CTNNA3: variants seen among roughly 807,000 people sequenced by gnomAD.
The protein encoded by CTNNA3 is catenin alpha-3.
In CTNNA3, 76 loss-of-function variants were observed where a neutral mutation model predicts 95.7. That is an observed-to-expected ratio of 0.79 (90% CI 0.66 to 0.96). The LOEUF (loss-of-function observed/expected upper bound fraction) is 0.96, where lower values mean the gene tolerates loss of function less well. Among genes scored for constraint, CTNNA3 ranks in the 40% least tolerant of loss-of-function variants. The probability of loss-of-function intolerance (pLI) is 0.00; values close to 1 mark genes in which losing one functional copy is unlikely to be tolerated. For synonymous variants in CTNNA3, 431 were observed against 374.4 expected, an observed-to-expected ratio of 1.15 and a Z score of -1.74; for missense variants, 1,191 against 1,089.8, an observed-to-expected ratio of 1.09 and a Z score of -1.31.
At chr10:66,021,585 C>T (rs779778818) in intron 15 of CTNNA3, among the ~76,000 whole-genome samples, 32 of 152,184 alleles carry the variant, frequency 2.1e-4, no homozygotes, top group South Asian at 4.1e-4. Context: ...TTATAAGATG[C>T]TAATTGGGCT....
At chr10:67,294,581 G>A (rs1839961520) in intron 5 of CTNNA3, among the ~76,000 whole-genome samples, 1 of 151,840 alleles carries the variant, frequency 6.6e-6, no homozygotes. Flanking sequence ...AATTTATCAT[G>A]CACCTGAAAC....
chr10:67,623,838 C>T (rs1438042545), intron 2 of CTNNA3, among the ~76,000 whole-genome samples: 7 of 152,026 alleles, frequency 4.6e-5, no homozygotes, highest in African/African-American at 7.2e-5. Context: ...TATTTTGAGA[C>T]GGAGTTTCGC....
At chr10:67,701,323 T>G (rs775812128) in intron 1 of CTNNA3, among the ~76,000 whole-genome samples, 17 of 151,858 alleles carry the variant, frequency 1.1e-4, no homozygotes, top group Non-Finnish European at 2.2e-4. Context: ...CACATAATTG[T>G]CAGATTCACC....
At chr10:66,303,825 C>T (rs1324271481) in intron 12 of CTNNA3, among the ~76,000 whole-genome samples, 1 of 152,050 alleles carries the variant, frequency 6.6e-6, no homozygotes, top group Non-Finnish European at 1.5e-5. Context: ...GATCTCCTGA[C>T]CTCGTGATCC....
chr10:66,836,464 A>G (rs1842891230), intron 7 of CTNNA3, among the ~76,000 whole-genome samples: 1 of 152,134 alleles, frequency 6.6e-6, no homozygotes, highest in Non-Finnish European at 1.5e-5. Context: ...TATCCTGAGT[A>G]TCCAACACTC....
chr10:67,215,022 C>G (rs1864293684), intron 6 of CTNNA3, among the ~76,000 whole-genome samples: 1 of 151,990 alleles, frequency 6.6e-6, no homozygotes, highest in South Asian at 2.1e-4. Context: ...ATACTTCTCT[C>G]TCTTCTGAAT....
intron 13 of CTNNA3, among the ~76,000 whole-genome samples, chr10:66,178,534 A>C (rs72795363): frequency 0.15 from 22,415 of 149,246 alleles, 2,910 homozygotes; most frequent in African/African-American, 0.35. Context: ...GACAGCAGAA[A>C]TATATACCAT....
chr10:67,551,374 G>C (rs1841026215), intron 3 of CTNNA3, among the ~76,000 whole-genome samples: 2 of 152,050 alleles, frequency 1.3e-5, no homozygotes, highest in Admixed American at 6.5e-5. Context: ...TTTTCTAGGG[G>C]AAACCATCTC....
At chr10:66,053,274 C>G (rs2080001400) in intron 15 of CTNNA3, among the ~76,000 whole-genome samples, 1 of 152,012 alleles carries the variant, frequency 6.6e-6, no homozygotes, top group Admixed American at 6.6e-5. Flanking sequence ...ATCACCATCT[C>G]AAAGAAATGA....
chr10:67,326,769 C>T (rs913593627), intron 5 of CTNNA3, among the ~76,000 whole-genome samples: 5 of 152,092 alleles, frequency 3.3e-5, no homozygotes, highest in African/African-American at 1.2e-4. Context: ...GAATGTTGGC[C>T]TCTTTAGCTA....
intron 8 of CTNNA3, among the ~76,000 whole-genome samples, chr10:66,766,836 C>T (rs1839879140): frequency 6.6e-6 from 1 of 152,046 alleles, no homozygotes; most frequent in African/African-American, 2.4e-5. Context: ...TTTTGATTAG[C>T]TAAATTGTAG....
At chr10:67,031,039 T>C (rs1267505638) in intron 7 of CTNNA3, among the ~76,000 whole-genome samples, 1 of 152,116 alleles carries the variant, frequency 6.6e-6, no homozygotes, top group Non-Finnish European at 1.5e-5. Flanking sequence ...AACTTAGCTG[T>C]GTCACACACA....
rs527765344 is a variant in CTNNA3, at chr10:67,209,037, G to T, written c.843+10570C>A. On this transcript the variant is annotated intron_variant, in intron 6 of 17. Transcript: ENST00000433211. Reference sequence around the variant, plus strand: ...CTAAATCTAATAATATAAGGGTATTGTTATTTTTTGTTGTTGTTGTTGTTG... The same window carrying T: ...CTAAATCTAATAATATAAGGGTATTTTTATTTTTTGTTGTTGTTGTTGTTG... 2.1e-5 allele frequency among the ~76,000 whole-genome samples: 3 copies of T among 146,276 alleles called. No individual in the cohort carries two copies. In the East Asian group the frequency reaches 5.9e-4, roughly 29 times the overall value.
chr10:67,689,590 G>A (rs4622144), intron 1 of CTNNA3, among the ~76,000 whole-genome samples: 25,073 of 152,022 alleles, frequency 0.16, 2,319 homozygotes, highest in African/African-American at 0.24. Context: ...GGCAAGTCTC[G>A]CTTGGGTGAC....
intron 11 of CTNNA3, among the ~76,000 whole-genome samples, chr10:66,460,094 T>A (rs1031399869): frequency 5.3e-5 from 8 of 152,208 alleles, no homozygotes; most frequent in Non-Finnish European, 1.0e-4. Context: ...TCCAAATGGA[T>A]CTGATTATAC....
In CTNNA3 at chr10:67,558,768, C is replaced by T. The variant is rs1020831309; in HGVS notation, c.293-19099G>A. Among the ~76,000 whole-genome samples, 18 of 152,308 alleles carry T rather than the reference C, an allele frequency of 1.2e-4. No individual in the cohort carries two copies. The East Asian group carries it at 2.3e-3, about 20-fold the overall frequency. On this transcript the variant is annotated intron_variant, in intron 3 of 17. Transcript: ENST00000433211. ...GGGTGACAGATGGCACCTGGAAAAT[C>T]GGGTCACTCCCACCCTAATACTGCG... is the stretch of plus-strand genomic sequence containing the variant.
At position 67,690,845 on chromosome 10, in the gene CTNNA3, G is replaced by C. The variant is rs187993537; in HGVS notation, c.-6+5155C>G. Among the ~76,000 whole-genome samples the C allele has an allele frequency of 8.7e-5, 13 of 149,736 alleles. No individual in the cohort carries two copies. In the East Asian group the frequency reaches 2.1e-3, roughly 24 times the overall value. Reference sequence around the variant, plus strand: ...AATGAGTGCTTCCTTCATCTAGAAAGTCTTGCTACAGCCTCTCCCTCTCCC... The same window carrying C: ...AATGAGTGCTTCCTTCATCTAGAAACTCTTGCTACAGCCTCTCCCTCTCCC... On this transcript the variant is annotated intron_variant, in intron 1 of 17. Coordinates refer to ENST00000433211, the MANE Select transcript of CTNNA3 (RefSeq NM_013266.4).
intron 7 of CTNNA3, among the ~76,000 whole-genome samples, chr10:66,825,994 C>T (rs1230772923): frequency 6.6e-6 from 1 of 152,156 alleles, no homozygotes; most frequent in Admixed American, 6.5e-5. Context: ...TTATAGTGGT[C>T]AACCTAATTC....
chr10:66,814,564 C>T (rs1331153441), intron 7 of CTNNA3, among the ~76,000 whole-genome samples: 1 of 152,124 alleles, frequency 6.6e-6, no homozygotes, highest in Non-Finnish European at 1.5e-5. Flanking sequence ...GAGTTTGAGA[C>T]TAGCCTGGCC....
Sources: gnomAD v4.1 joint callset for allele counts (sites outside exome capture counted in the v4.1 genomes callset) on GRCh38, gnomAD v4.1.1 for gene constraint, MANE v1.5 for transcripts, NCBI Gene and HGNC (gene_info 2026-07-23, HGNC 2026-07-21) for gene names.